The following HOATZ variants were observed in gnomAD, a reference collection of about 807,000 sequenced individuals.
The protein encoded by HOATZ is HOATZ cilia and flagella associated protein.
Under a neutral mutation model 24.9 loss-of-function variants are expected in HOATZ, and 26 were observed. That is an observed-to-expected ratio of 1.04 (90% CI 0.76 to 1.45). HOATZ has a LOEUF of 1.45. HOATZ is among the 40% of genes most tolerant of loss of function. HOATZ has a pLI of 0.00. For synonymous variants in HOATZ, 83 were observed against 76.6 expected (o/e 1.08, Z -0.43); for missense variants, 226 against 201.5 (o/e 1.12, Z -0.74).
At chr11:111,533,890 C>A in intron 4 of HOATZ, 85 bp downstream of exon 4, 1 of 934,568 alleles carries the variant, frequency 1.1e-6, no homozygotes, top group Non-Finnish European at 1.6e-6. Flanking sequence ...AGATTGAACC[C>A]TTAAATCTAG....
At chr11:111,515,369 T>G in intron 1 of HOATZ, 142 bp from the exon 2 acceptor site, 1 of 666,956 alleles carries the variant, frequency 1.5e-6, no homozygotes, top group Non-Finnish European at 2.7e-6. Context: ...ACATTACCAA[T>G]GAACTTCCTG....
At chr11:111,518,117 T>G (rs1300469546) in intron 3 of HOATZ, among the ~76,000 whole-genome samples, 1 of 152,222 alleles carries the variant, frequency 6.6e-6, no homozygotes, top group Admixed American at 6.5e-5. Flanking sequence ...TATATTTTTG[T>G]TATACCTAAA....
At chr11:111,517,144 C>T (rs896933665) in intron 3 of HOATZ, among the ~76,000 whole-genome samples, 1 of 152,152 alleles carries the variant, frequency 6.6e-6, no homozygotes, top group Non-Finnish European at 1.5e-5. Context: ...CACATTAATT[C>T]ACTTTGTGGA....
intron 3 of HOATZ, chr11:111,519,052 G>A: frequency 4.4e-6 from 2 of 455,926 alleles, no homozygotes; most frequent in Non-Finnish European, 8.8e-6. Context: ...ACAACAAGAT[G>A]GGTTTGGAAG....
At chr11:111,523,205 C>CTTTTTTT (rs747393521) in intron 3 of HOATZ, among the ~76,000 whole-genome samples, 1 of 94,270 alleles carries the variant, frequency 1.1e-5, no homozygotes, top group Non-Finnish European at 2.2e-5. Flanking sequence ...TAAGTGTTCA[C>CTTTTTTT]TTTTTTTTTT....
intron 3 of HOATZ, among the ~76,000 whole-genome samples, chr11:111,531,971 C>G (rs192078732): frequency 6.6e-6 from 1 of 152,288 alleles, no homozygotes; most frequent in East Asian, 1.9e-4. Context: ...TTTGCACACG[C>G]TGTTTCCTCT....
At chr11:111,518,983 G>A (rs2135773778) in intron 3 of HOATZ, 1 of 455,946 alleles carries the variant, frequency 2.2e-6, no homozygotes, top group East Asian at 6.9e-5. Context: ...GTAGGTAATT[G>A]TGTATGTTTC....
At chr11:111,515,088 G>C in intron 1 of HOATZ, 78 bp downstream of exon 1, 1 of 954,472 alleles carries the variant, frequency 1.0e-6, no homozygotes, top group South Asian at 1.4e-5. Flanking sequence ...CCCTTTCCAG[G>C]AGAAACTGCA....
In HOATZ at chr11:111,516,134, A is replaced by G. The variant is rs758180569; in HGVS notation, c.339+24A>G. The G allele has an allele frequency of 3.7e-6, 5 of 1,358,610 alleles. No homozygotes were observed. In the South Asian group the frequency reaches 6.6e-5, roughly 18 times the overall value. The allele number at this position is 1,358,610 out of a possible 1,614,324, so 84.2% of individuals were successfully genotyped here. ...AGGTAGGCCAATATTTCAGAAGGTC[A>G]TCTGATCATCATTAAATTTCTAAAT... On this transcript the variant is annotated intron_variant, in intron 3 of 5. Transcript: ENST00000375618.
intron 3 of HOATZ, among the ~76,000 whole-genome samples, chr11:111,533,427 T>C (rs1055297644): frequency 1.3e-5 from 2 of 152,114 alleles, no homozygotes; most frequent in African/African-American, 4.8e-5. Context: ...TCTTAATAAA[T>C]ATTAGTTTTT....
intron 3 of HOATZ, among the ~76,000 whole-genome samples, chr11:111,532,204 A>T (rs1315549956): frequency 6.6e-6 from 1 of 152,180 alleles, no homozygotes; most frequent in Non-Finnish European, 1.5e-5. Flanking sequence ...CTTCTGCTAC[A>T]TAAGTCTGCA....
intron 4 of HOATZ, 88 bp downstream of exon 4, chr11:111,533,893 A>C: frequency 5.6e-6 from 5 of 898,606 alleles, no homozygotes; most frequent in Non-Finnish European, 8.2e-6. Context: ...TTGAACCCTT[A>C]AATCTAGCTA....
intron 3 of HOATZ, among the ~76,000 whole-genome samples, chr11:111,521,505 C>G (rs1288059449): frequency 6.6e-6 from 1 of 152,062 alleles, no homozygotes; most frequent in Non-Finnish European, 1.5e-5. Context: ...TAAAATTTCC[C>G]AGTAAGTGTT....
At chr11:111,528,826 A>ATGTG (rs1867366284) in intron 3 of HOATZ, among the ~76,000 whole-genome samples, 1 of 152,012 alleles carries the variant, frequency 6.6e-6, no homozygotes, top group Non-Finnish European at 1.5e-5. Flanking sequence ...GTGTGTGTGC[A>ATGTG]TGTGTCTGAA....
intron 1 of HOATZ, 21 bp from the exon 2 acceptor site, chr11:111,515,490 C>T (rs1867178966): frequency 6.2e-7 from 1 of 1,606,616 alleles, no homozygotes; most frequent in South Asian, 1.1e-5. Context: ...GATTTCTTTA[C>T]TTCCCTTTTG....
chr11:111,515,904 C>A, intron 2 of HOATZ, 136 bp from the exon 3 acceptor site: 1 of 608,278 alleles, frequency 1.6e-6, no homozygotes, highest in South Asian at 2.5e-5. Context: ...TTGTAAAGTT[C>A]CAATACACCA....
At chr11:111,518,060 T>C (rs1486116947) in intron 3 of HOATZ, among the ~76,000 whole-genome samples, 2 of 152,190 alleles carry the variant, frequency 1.3e-5, no homozygotes, top group South Asian at 2.1e-4. Context: ...CAAGGAACAC[T>C]ATTTACACCT....
At chr11:111,532,833 G>A (rs912328659) in intron 3 of HOATZ, among the ~76,000 whole-genome samples, 5 of 152,084 alleles carry the variant, frequency 3.3e-5, no homozygotes, top group African/African-American at 1.2e-4. Flanking sequence ...GAGAATTTAT[G>A]TGATTTTATC....
intron 5 of HOATZ, chr11:111,536,299 T>G (rs1359969073): frequency 6.5e-6 from 1 of 154,272 alleles, no homozygotes; most frequent in Non-Finnish European, 1.4e-5. Context: ...ATAACTCCCC[T>G]ACATACACAG....
Sources: gnomAD v4.1 joint callset for allele counts (sites outside exome capture counted in the v4.1 genomes callset) on GRCh38, gnomAD v4.1.1 for gene constraint, MANE v1.5 for transcripts, NCBI Gene and HGNC (gene_info 2026-07-23, HGNC 2026-07-21) for gene names.